The following RNF24 variants were observed in gnomAD, a reference collection of about 807,000 sequenced individuals.
RNF24 encodes the protein ring finger protein 24.
RNF24 carries 14 observed loss-of-function variants against 20.0 expected under a neutral mutation model. The observed-to-expected ratio is 0.70, with a 90% CI of 0.46 to 1.10. The LOEUF (loss-of-function observed/expected upper bound fraction) is 1.10. Among genes scored for constraint, RNF24 ranks in the 50% least tolerant of loss-of-function variants. RNF24 has a pLI of 0.00. For synonymous variants in RNF24, 45 were observed against 61.1 expected (o/e 0.74, Z 1.23); for missense variants, 124 against 177.6 (o/e 0.70, Z 1.71).
chr20:3,982,741 T>A (rs1157287524), intron 1 of RNF24, among the ~76,000 whole-genome samples: 1 of 151,894 alleles, frequency 6.6e-6, no homozygotes, highest in Non-Finnish European at 1.5e-5. Context: ...AAAAAATCAG[T>A]AGCCAGGTGT....
chr20:3,949,333 T>C (rs2146964019), intron 2 of RNF24, among the ~76,000 whole-genome samples: 1 of 150,710 alleles, frequency 6.6e-6, no homozygotes, highest in Middle Eastern at 3.4e-3. Flanking sequence ...TGAGCCGAGA[T>C]CATGCCACTG....
At chr20:3,942,818 G>GT (rs375685386) in intron 4 of RNF24, among the ~76,000 whole-genome samples, 2,941 of 138,494 alleles carry the variant, frequency 0.021, 37 homozygotes, top group Non-Finnish European at 0.028. Flanking sequence ...GATGAAGACA[G>GT]TTTTTTTTTT....
rs561438120 is a variant in RNF24 at position 3,978,316 on chromosome 20, A to G, written c.-7-14292T>C. On this transcript the variant is annotated intron_variant, in intron 1 of 5. Transcript: ENST00000358395. Reference sequence around the variant, plus strand: ...CTCCCAAAGTGCTGGAATTACAGACATGAGCCACCACGCCCAGCCAAGAAA... The same window carrying G: ...CTCCCAAAGTGCTGGAATTACAGACGTGAGCCACCACGCCCAGCCAAGAAA... Among the ~76,000 whole-genome samples, 254 of 152,244 alleles carry G rather than the reference A, an allele frequency of 1.7e-3. 1 individual carries two copies. The highest frequency in any genetic ancestry group is 5.8e-3 in the African/African-American group (239 of 41,536).
At chr20:3,991,297 G>C (rs1402567753) in intron 1 of RNF24, among the ~76,000 whole-genome samples, 1 of 132,938 alleles carries the variant, frequency 7.5e-6, no homozygotes, top group African/African-American at 2.9e-5. Context: ...TGCCGCCCAG[G>C]CTGGAATGCA....
chr20:3,956,041 T>C (rs2091138306), intron 2 of RNF24, among the ~76,000 whole-genome samples: 1 of 152,052 alleles, frequency 6.6e-6, no homozygotes, highest in Non-Finnish European at 1.5e-5. Flanking sequence ...GTGTGGATCC[T>C]ACGGGATTTT....
At chr20:3,998,764 A>G (rs567446827) in intron 1 of RNF24, among the ~76,000 whole-genome samples, 381 of 36,542 alleles carry the variant, frequency 0.01, no homozygotes, top group African/African-American at 0.039. Context: ...TCAAAAAATA[A>G]AATTAAATTA....
chr20:3,969,915 C>T (rs184898219), intron 1 of RNF24, among the ~76,000 whole-genome samples: 6 of 151,960 alleles, frequency 3.9e-5, no homozygotes, highest in Admixed American at 6.6e-5. Flanking sequence ...GGACTACAGG[C>T]GCCCACCACC....
At chr20:3,938,807 T>C (rs1600624815) in intron 4 of RNF24, among the ~76,000 whole-genome samples, 1 of 152,134 alleles carries the variant, frequency 6.6e-6, no homozygotes, top group South Asian at 2.1e-4. Context: ...GGTGCCATCA[T>C]AGCTCACTGC....
At chr20:4,008,445 TATATATA>T (rs1375365837) in intron 1 of RNF24, among the ~76,000 whole-genome samples, 6 of 15,952 alleles carry the variant, frequency 3.8e-4, no homozygotes, top group South Asian at 2.5e-3. Flanking sequence ...ATATGTATAA[TATATATA>T]ATATATAATA....
At chr20:3,979,910 GAATTC>G (rs900445406) in intron 1 of RNF24, among the ~76,000 whole-genome samples, 12 of 152,034 alleles carry the variant, frequency 7.9e-5, no homozygotes, top group African/African-American at 2.7e-4. Flanking sequence ...ATGGACACAA[GAATTC>G]AATTCTGGAA....
chr20:3,968,731 G>GC (rs1156990508), intron 1 of RNF24, among the ~76,000 whole-genome samples: 1 of 152,152 alleles, frequency 6.6e-6, no homozygotes, highest in African/African-American at 2.4e-5. Context: ...GGGTGGATGA[G>GC]AGGAAAGATT....
At chr20:3,973,415 A>T (rs147382264) in intron 1 of RNF24, among the ~76,000 whole-genome samples, 1 of 151,630 alleles carries the variant, frequency 6.6e-6, no homozygotes, top group Non-Finnish European at 1.5e-5. Context: ...GAATAGGAAA[A>T]CAATAGAGAA....
intron 1 of RNF24, among the ~76,000 whole-genome samples, chr20:3,980,537 T>C (rs995808588): frequency 2.6e-5 from 4 of 152,196 alleles, no homozygotes; most frequent in African/African-American, 9.7e-5. Context: ...GAATTTTCCA[T>C]TTAATATTTT....
chr20:4,010,241 C>T lies in RNF24; in HGVS notation c.-8+5196G>A, dbSNP rs150007036. Among the ~76,000 whole-genome samples the T allele has an allele frequency of 2.3e-3, 343 of 152,098 alleles. 3 individuals carry two copies. Among genetic ancestry groups the T allele is most frequent in the African/African-American group, 8.1e-3 (336 of 41,490 alleles). On this transcript the variant is annotated intron_variant, in intron 1 of 5. Transcript: ENST00000358395. ...TACAAAAATTAGCTGGACATGGTGG[C>T]GCACGCCTGTAGTCCCAGCTACTCG...
chr20:3,996,250 T>C (rs1489593660), intron 1 of RNF24, among the ~76,000 whole-genome samples: 7 of 152,204 alleles, frequency 4.6e-5, no homozygotes, highest in African/African-American at 1.4e-4. Flanking sequence ...TAAACCATAA[T>C]ATCAACTCCA....
At chr20:3,969,803 GCT>G (rs1338736479) in intron 1 of RNF24, among the ~76,000 whole-genome samples, 1 of 135,604 alleles carries the variant, frequency 7.4e-6, no homozygotes, top group Admixed American at 8.0e-5. Context: ...ATGGCGTCTT[GCT>G]CTGTCACCAG....
intron 1 of RNF24, among the ~76,000 whole-genome samples, chr20:3,995,415 CAT>C (rs1478201315): frequency 1.3e-5 from 2 of 152,142 alleles, no homozygotes; most frequent in Admixed American, 6.5e-5. Context: ...GAGAAACAGA[CAT>C]TAGTTTAGCC....
At chr20:3,956,397 A>G (rs1233092071) in intron 2 of RNF24, among the ~76,000 whole-genome samples, 3 of 151,528 alleles carry the variant, frequency 2.0e-5, no homozygotes, top group African/African-American at 7.3e-5. Flanking sequence ...TGACCTTTTA[A>G]TGTTTATAGG....
intron 1 of RNF24, among the ~76,000 whole-genome samples, chr20:4,012,596 G>C (rs1982551493): frequency 6.6e-6 from 1 of 152,046 alleles, no homozygotes; most frequent in Non-Finnish European, 1.5e-5. Flanking sequence ...CTATTCTAAT[G>C]AATAAATATT....
Sources: allele counts gnomAD v4.1 joint callset (sites outside exome capture counted in the v4.1 genomes callset), GRCh38; gene constraint gnomAD v4.1.1; transcripts MANE v1.5; gene names NCBI Gene and HGNC (gene_info 2026-07-23, HGNC 2026-07-21).